RMC1: variants seen among roughly 807,000 people sequenced by gnomAD.
RMC1 encodes regulator of MON1-CCZ1, also known as regulator of MON1-CCZ1 complex.
RMC1 carries 44 observed loss-of-function variants against 95.5 expected under a neutral mutation model. The ratio of observed to expected loss-of-function variants is 0.46; its 90% CI spans 0.36 to 0.59. RMC1 has a LOEUF of 0.59. Ranked by LOEUF, RMC1 falls within the 20% of genes least tolerant of loss-of-function variation. RMC1 has a pLI of 0.00. For synonymous variants in RMC1, 320 were observed against 303.6 expected (o/e 1.05, Z -0.56); for missense variants, 705 against 819.6 (o/e 0.86, Z 1.71).
At chr18:23,519,209 T>C in intron 9 of RMC1, 35 bp downstream of exon 9, 3 of 1,586,372 alleles carry the variant, frequency 1.9e-6, no homozygotes, top group Non-Finnish European at 2.6e-6. Flanking sequence ...AAAGTTAAGG[T>C]TGCTTAAAAG....
At chr18:23,511,583 A>G (rs1446550545) in intron 5 of RMC1, among the ~76,000 whole-genome samples, 2 of 152,082 alleles carry the variant, frequency 1.3e-5, no homozygotes, top group Non-Finnish European at 1.5e-5. Context: ...ATATTCCTCT[A>G]TTTTTAAAAA....
At chr18:23,518,846 T>C in intron 7 of RMC1, 44 bp from the exon 8 acceptor site, 1 of 1,571,612 alleles carries the variant, frequency 6.4e-7, no homozygotes, top group Non-Finnish European at 8.8e-7. Flanking sequence ...CAAAGGAATT[T>C]TGAATGGCCA....
chr18:23,521,521 C>G (rs2058140476), intron 10 of RMC1, among the ~76,000 whole-genome samples: 1 of 152,182 alleles, frequency 6.6e-6, no homozygotes, highest in Non-Finnish European at 1.5e-5. Flanking sequence ...GGCTCTTAGG[C>G]TTACCCAAAT....
At chr18:23,529,464 C>G (rs2058417727) in intron 15 of RMC1, 166 bp downstream of exon 15, 1 of 1,270,586 alleles carries the variant, frequency 7.9e-7, no homozygotes, top group African/African-American at 1.5e-5. Flanking sequence ...AATGCTGAGG[C>G]CTAAAGCATA....
In RMC1 at chr18:23,531,795, T is replaced by G. The variant is rs1415449108; in HGVS notation, c.*91T>G. ...TTAAACTATAAAATGTTATAAAGTG[T>G]ATCTACAACCTCAACTGTCACTAAA... On this transcript the variant is annotated 3_prime_UTR_variant, in exon 20 of 20. Coordinates refer to ENST00000269221, the MANE Select transcript of RMC1 (RefSeq NM_013326.5). 4 of 1,539,738 alleles carry G rather than the reference T, an allele frequency of 2.6e-6. No individual in the cohort carries two copies. The highest frequency in any genetic ancestry group is 1.7e-6 in the Non-Finnish European group (2 of 1,151,780).
chr18:23,529,495 G>A, intron 15 of RMC1, 140 bp from the exon 16 acceptor site: 3 of 1,243,138 alleles, frequency 2.4e-6, no homozygotes, highest in Non-Finnish European at 3.4e-6. Context: ...GGTGGTTCTG[G>A]AGCGATGTGT....
In RMC1 at chr18:23,520,197, C is replaced by G. The variant is rs201470666; in HGVS notation, c.850-5C>G. 1.6e-4 allele frequency: 253 copies of G among 1,611,224 alleles called. 1 individual carries two copies. The East Asian group carries it at 5.0e-3, about 32-fold the overall frequency. ...TGGCCTCAGTCTTGTCTTTTTCCCC[C>G]CCAGACATCGGTAATATTCGATATC... is the stretch of plus-strand genomic sequence containing the variant. On this transcript the variant is annotated splice_region_variant and splice_polypyrimidine_tract_variant and intron_variant, in intron 9 of 19. Transcript: ENST00000269221.
In RMC1 at chr18:23,516,439, A is replaced by T. The variant is rs1315222254; in HGVS notation, c.653+16A>T. The T allele has an allele frequency of 6.2e-7, 1 of 1,609,140 alleles. No homozygotes were observed. Among genetic ancestry groups the T allele is most frequent in the South Asian group, 1.1e-5 (1 of 90,998 alleles). ...TGGCTACCATGTATGTCCGTGTCAG[A>T]GAGAATTCCATCCTGTGATTGCTTT... On this transcript the variant is annotated intron_variant, in intron 7 of 19. Transcript: ENST00000269221.
chr18:23,509,834 C>T (rs1456581008), intron 5 of RMC1, among the ~76,000 whole-genome samples: 1 of 151,862 alleles, frequency 6.6e-6, no homozygotes, highest in Non-Finnish European at 1.5e-5. Flanking sequence ...GCTGGGATTA[C>T]AGGCGTGAGC....
intron 13 of RMC1, among the ~76,000 whole-genome samples, 179 bp downstream of exon 13, chr18:23,526,944 TAG>T (rs1003279995): frequency 6.6e-6 from 1 of 152,146 alleles, no homozygotes; most frequent in African/African-American, 2.4e-5. Context: ...AGATGATTTG[TAG>T]AGATACTGGT....
At chr18:23,524,374 G>GGGTTTGC (rs2058233115) in intron 11 of RMC1, 55 bp from the exon 12 acceptor site, 1 of 1,594,186 alleles carries the variant, frequency 6.3e-7, no homozygotes, top group Non-Finnish European at 8.6e-7. Context: ...AGCGGAAACT[G>GGGTTTGC]GGTTTGCTTT....
At chr18:23,516,611 T>C (rs2058012483) in intron 7 of RMC1, among the ~76,000 whole-genome samples, 188 bp downstream of exon 7, 1 of 152,254 alleles carries the variant, frequency 6.6e-6, no homozygotes, top group African/African-American at 2.4e-5. Flanking sequence ...TTGGCATTCC[T>C]TTTTGATTTT....
At chr18:23,514,383 C>T (rs1567918706) in intron 5 of RMC1, among the ~76,000 whole-genome samples, 1 of 152,276 alleles carries the variant, frequency 6.6e-6, no homozygotes, top group South Asian at 2.1e-4. Flanking sequence ...GCCGTCTCTA[C>T]TGTCTCAAAA....
intron 1 of RMC1, 57 bp downstream of exon 1, chr18:23,503,777 C>T: frequency 6.8e-7 from 1 of 1,462,448 alleles, no homozygotes; most frequent in Non-Finnish European, 9.2e-7. Flanking sequence ...GTGGGCGCGC[C>T]AAGGCCGGTC....
chr18:23,514,842 C>T (rs181856604), intron 5 of RMC1, among the ~76,000 whole-genome samples: 28 of 152,260 alleles, frequency 1.8e-4, no homozygotes, highest in African/African-American at 6.0e-4. Context: ...AAGAAGCTTA[C>T]GGCTCCTGCC....
chr18:23,529,601 T>C (rs1394620368), intron 15 of RMC1, 34 bp from the exon 16 acceptor site: 1 of 1,568,694 alleles, frequency 6.4e-7, no homozygotes, highest in East Asian at 2.2e-5. Flanking sequence ...TGCACCTCGT[T>C]GGTATTTGTA....
At position 23,519,277 on chromosome 18, in the gene RMC1, G is replaced by A. The variant is rs1025259153; in HGVS notation, c.849+103G>A. On this transcript the variant is annotated intron_variant, in intron 9 of 19. Coordinates refer to ENST00000269221, the MANE Select transcript of RMC1 (RefSeq NM_013326.5). ...TCACGCCTGTAATCCCAGCACTTTG[G>A]GAGGCCAAGGCGGACAGATTGCTTG... 6.9e-6 allele frequency: 7 copies of A among 1,007,248 alleles called. No individual in the cohort carries two copies. The African/African-American group carries it at 9.6e-5, about 14-fold the overall frequency. The allele number at this position is 1,007,248 out of a possible 1,614,324, so 62.4% of individuals were successfully genotyped here. A position where few individuals can be genotyped will look rare whatever the true frequency, so the allele number is the denominator to read the frequency against.
intron 14 of RMC1, 105 bp downstream of exon 14, chr18:23,528,006 TCGCTGAGATTTGC>T: frequency 1.0e-6 from 1 of 971,370 alleles, no homozygotes; most frequent in African/African-American, 1.7e-5. Flanking sequence ...TAGAATAAGG[TCGCTGAGATTTGC>T]CGCCTGCCAT....
At position 23,516,412 on chromosome 18, in the gene RMC1, A is replaced by T. The variant is rs780745817; in HGVS notation, c.642A>T (p.Ala214=). 6.2e-7 allele frequency: 1 copy of T among 1,614,104 alleles called. No homozygotes were observed. Among genetic ancestry groups the T allele is most frequent in the South Asian group, 1.1e-5 (1 of 91,084 alleles). Residue 214 remains alanine, a synonymous_variant, in exon 7 of 20, where the codon GCA becomes GCT. Transcript: ENST00000269221. ...TKPSLSERDI[A]MATIYGQLYV... Reference sequence around the variant, plus strand: ...CCAGCCTTTCCGAAAGAGACATCGCAATGGCTACCATGTATGTCCGTGTCA... The same window carrying T: ...CCAGCCTTTCCGAAAGAGACATCGCTATGGCTACCATGTATGTCCGTGTCA...
Sources: gnomAD v4.1 joint callset for allele counts (sites outside exome capture counted in the v4.1 genomes callset) on GRCh38, gnomAD v4.1.1 for gene constraint, MANE v1.5 for transcripts, NCBI Gene and HGNC (gene_info 2026-07-23, HGNC 2026-07-21) for gene names.